Variants in DNAH7 observed in about 807,000 individuals in gnomAD.
DNAH7 encodes the protein axonemal beta dynein heavy chain 7.
Under a neutral mutation model 444.6 loss-of-function variants are expected in DNAH7, and 397 were observed. The ratio of observed to expected loss-of-function variants is 0.89; its 90% CI spans 0.82 to 0.97. The LOEUF (loss-of-function observed/expected upper bound fraction) is 0.97, where lower values mean the gene tolerates loss of function less well. Ranked by LOEUF, DNAH7 falls within the 50% of genes least tolerant of loss-of-function variation. The probability of loss-of-function intolerance (pLI) is 0.00; values close to 1 mark genes in which losing one functional copy is unlikely to be tolerated. For missense variants in DNAH7, 4,902 were observed against 4,800.8 expected (o/e 1.02, Z -0.62); for synonymous variants, 1,636 against 1,624.4 (o/e 1.01, Z -0.17).
At position 196,068,762 on chromosome 2, in the gene DNAH7, G is replaced by A. The variant is rs1698575505; in HGVS notation, c.-51C>T. The A allele has an allele frequency of 9.7e-6, 15 of 1,548,328 alleles. No homozygotes were observed. Among genetic ancestry groups the A allele is most frequent in the Non-Finnish European group, 1.3e-5 (15 of 1,146,110 alleles). Reference sequence around the variant, plus strand: ...CGGTGCTTCTGGGTTGCTCCTGCCCGCGGAACCCCTAGGACGATAGAGGCA... The same window carrying A: ...CGGTGCTTCTGGGTTGCTCCTGCCCACGGAACCCCTAGGACGATAGAGGCA... On this transcript the variant is annotated 5_prime_UTR_variant, in exon 1 of 65. Coordinates refer to ENST00000312428, the MANE Select transcript of DNAH7 (RefSeq NM_018897.3).
At chr2:196,051,441 A>G (rs1697459058) in intron 2 of DNAH7, among the ~76,000 whole-genome samples, 192 bp from the exon 3 acceptor site, 1 of 152,202 alleles carries the variant, frequency 6.6e-6, no homozygotes. Context: ...AAAATAAAGG[A>G]AAATTATATC....
In DNAH7 at chr2:195,740,775, T is replaced by C. The variant is rs749312912; in HGVS notation, c.11859A>G (p.Thr3953=). The C allele has an allele frequency of 6.5e-7, 1 of 1,527,124 alleles. No individual in the cohort carries two copies. The highest frequency in any genetic ancestry group is 2.4e-5 in the East Asian group (1 of 41,456). The allele number at this position is 1,527,124 out of a possible 1,614,324, so 94.6% of individuals were successfully genotyped here. A position where few individuals can be genotyped will look rare whatever the true frequency, so the allele number is the denominator to read the frequency against. The change falls in exon 64 of 65, where the codon ACA becomes ACG. Residue 3953 remains threonine (T), a synonymous_variant. Coordinates refer to ENST00000312428, the MANE Select transcript of DNAH7 (RefSeq NM_018897.3). ...ATTAGAATTTACTAACCACAGGCAC[T>C]GTATCATAAAGAATTTTGGGATGCG... ...AESHPKILYD[T]VPVMWLKPCK...
chr2:195,754,309 A>G, intron 63 of DNAH7, 28 bp downstream of exon 63: 1 of 1,600,796 alleles, frequency 6.2e-7, no homozygotes, highest in Non-Finnish European at 8.5e-7. Context: ...CCCAGATATG[A>G]GCCGACTCAT....
intron 63 of DNAH7, among the ~76,000 whole-genome samples, chr2:195,741,781 G>A (rs1693049960): frequency 6.6e-6 from 1 of 152,208 alleles, no homozygotes; most frequent in Admixed American, 6.5e-5. Flanking sequence ...TACTTGAGCA[G>A]TGCTGTCCAG....
intron 15 of DNAH7, among the ~76,000 whole-genome samples, chr2:195,977,750 G>A (rs1317205173): frequency 6.6e-6 from 1 of 152,018 alleles, no homozygotes; most frequent in Non-Finnish European, 1.5e-5. Context: ...AAAACAGCAA[G>A]AGAAAATAAA....
intron 24 of DNAH7, among the ~76,000 whole-genome samples, chr2:195,921,292 A>G (rs1041879668): frequency 6.6e-6 from 1 of 152,204 alleles, no homozygotes; most frequent in South Asian, 2.1e-4. Context: ...TTGCACTTGC[A>G]AAAATATGGA....
chr2:195,896,880 C>CAA (rs1415866137), intron 29 of DNAH7, among the ~76,000 whole-genome samples: 1 of 152,128 alleles, frequency 6.6e-6, no homozygotes, highest in Non-Finnish European at 1.5e-5. Context: ...TGACACTGGA[C>CAA]AATACTAGCA....
Position 195,766,329 on chromosome 2 carries a change from A to G in DNAH7, c.11433+5331T>C, listed in dbSNP as rs190412258. ...GCTGGGATTACAGGCATCTCCCACC[A>G]TGCCAATTTTTATATTTTTAGTAGA... On this transcript the variant is annotated intron_variant, in intron 61 of 64. Coordinates refer to ENST00000312428, the MANE Select transcript of DNAH7 (RefSeq NM_018897.3). Among the ~76,000 whole-genome samples the G allele has an allele frequency of 2.1e-3, 320 of 151,712 alleles. 1 individual carries two copies. Among genetic ancestry groups the G allele is most frequent in the African/African-American group, 7.2e-3 (300 of 41,424 alleles).
intron 50 of DNAH7, 102 bp downstream of exon 50, chr2:195,817,594 T>C: frequency 8.2e-7 from 1 of 1,218,800 alleles, no homozygotes; most frequent in Non-Finnish European, 1.1e-6. Flanking sequence ...TCCCTTGCAG[T>C]ATTCCTATTA....
intron 23 of DNAH7, 69 bp from the exon 24 acceptor site, chr2:195,922,266 A>G: frequency 2.2e-6 from 2 of 914,194 alleles, no homozygotes; most frequent in Admixed American, 2.0e-5. Context: ...CAAGCTCTTT[A>G]ATAAGTAATA....
chr2:195,868,321 T>C (rs1700478213), intron 40 of DNAH7, among the ~76,000 whole-genome samples: 2 of 151,766 alleles, frequency 1.3e-5, no homozygotes, highest in African/African-American at 2.4e-5. Flanking sequence ...CCTGACCTCA[T>C]GATCCGCCTG....
Position 195,777,922 on chromosome 2 carries a change from C to CG in DNAH7, c.10941dup (p.Asp3648ArgfsTer2), listed in dbSNP as rs1439070153. ...CGCAGCGTGCGCCGGTCCCAGTCAT[C>CG]GGTCACTCTGCCTCCGTAATTGCAT... is the stretch of plus-strand genomic sequence containing the variant. On this transcript the variant is annotated frameshift_variant, in exon 59 of 65. Coordinates refer to ENST00000312428, the MANE Select transcript of DNAH7 (RefSeq NM_018897.3). LOFTEE classifies it high-confidence loss of function. The CG allele has an allele frequency of 6.2e-7, 1 of 1,614,020 alleles. No individual in the cohort carries two copies. Among genetic ancestry groups the CG allele is most frequent in the African/African-American group, 1.3e-5 (1 of 74,938 alleles).
intron 59 of DNAH7, among the ~76,000 whole-genome samples, chr2:195,777,387 C>G (rs1190586421): frequency 6.6e-6 from 1 of 152,144 alleles, no homozygotes; most frequent in Non-Finnish European, 1.5e-5. Context: ...AATAATAATA[C>G]CAATGTTAAT....
Position 195,873,574 on chromosome 2 carries a change from T to C in DNAH7, c.6407A>G (p.Glu2136Gly). 1 of 1,370,022 alleles carries C rather than the reference T, an allele frequency of 7.3e-7. No homozygotes were observed. The highest frequency in any genetic ancestry group is 9.6e-7 in the Non-Finnish European group (1 of 1,038,708). The allele number at this position is 1,370,022 out of a possible 1,614,324, so 84.9% of individuals were successfully genotyped here. ...IFSRILTWHL[E>G]ICYKFPDEFL... Reference sequence around the variant, plus strand: ...ACAAATTTTGATTACTTACCAGATTTCTAAATGCCAAGTTAAGATTCTAGA... The same window carrying C: ...ACAAATTTTGATTACTTACCAGATTCCTAAATGCCAAGTTAAGATTCTAGA... The change falls in exon 39 of 65, where the codon GAA becomes GGA. Residue 2136 changes from glutamate (E) to glycine (G), a missense_variant. Coordinates refer to ENST00000312428, the MANE Select transcript of DNAH7 (RefSeq NM_018897.3).
At chr2:195,782,800 A>C (rs926451194) in intron 58 of DNAH7, among the ~76,000 whole-genome samples, 4 of 152,222 alleles carry the variant, frequency 2.6e-5, no homozygotes, top group Admixed American at 2.6e-4. Flanking sequence ...TGGCTGCACC[A>C]TCTGCCCTCC....
Position 195,926,504 on chromosome 2 carries a change from C to A in DNAH7, c.3534G>T (p.Trp1178Cys). The change falls in exon 22 of 65, where the codon TGG (tryptophan) becomes TGT (cysteine). Residue 1178 changes from tryptophan (W) to cysteine (C), a missense_variant. Physicochemically the swap from Trp to Cys is radical, Grantham distance 215. Transcript: ENST00000312428. ...ATACACAGAGAACAGTCTGTCCAGGCCAATCCCTTACCCAGTTAATTCGTT... is the reference window on the plus strand; with the variant it reads ...ATACACAGAGAACAGTCTGTCCAGGACAATCCCTTACCCAGTTAATTCGTT... The part of the protein sequence containing the change: ...KYERINWVRD[W>C]PGQTVLCVSQ... The A allele has an allele frequency of 1.2e-6, 2 of 1,607,464 alleles. No individual in the cohort carries two copies. The highest frequency in any genetic ancestry group is 1.7e-6 in the Non-Finnish European group (2 of 1,177,398).
chr2:195,908,227 T>A (rs2125297313), intron 25 of DNAH7, among the ~76,000 whole-genome samples: 1 of 152,148 alleles, frequency 6.6e-6, no homozygotes, highest in African/African-American at 2.4e-5. Flanking sequence ...TTTCTTTCAT[T>A]TATATATTTT....
chr2:195,984,900 A>G (rs1692806678), intron 14 of DNAH7, among the ~76,000 whole-genome samples, 190 bp from the exon 15 acceptor site: 1 of 152,202 alleles, frequency 6.6e-6, no homozygotes. Flanking sequence ...GATCTAGTAC[A>G]TTTTTAACTA....
At chr2:195,835,902 T>G (rs114087605) in intron 47 of DNAH7, among the ~76,000 whole-genome samples, 7 of 152,138 alleles carry the variant, frequency 4.6e-5, no homozygotes, top group Non-Finnish European at 1.5e-5. Context: ...AAAATAGTTT[T>G]CTTATCCTCC....
Sources: gnomAD v4.1 joint callset for allele counts (sites outside exome capture counted in the v4.1 genomes callset) on GRCh38, gnomAD v4.1.1 for gene constraint, MANE v1.5 for transcripts, NCBI Gene and HGNC (gene_info 2026-07-23, HGNC 2026-07-21) for gene names.